Variants in BBS9 observed in about 807,000 individuals in gnomAD.
BBS9 encodes the protein protein PTHB1.
BBS9 carries 89 observed loss-of-function variants against 117.7 expected under a neutral mutation model. The ratio of observed to expected loss-of-function variants is 0.76; its 90% CI spans 0.64 to 0.90. BBS9 has a LOEUF of 0.90. Among genes scored for constraint, BBS9 ranks in the 40% least tolerant of loss-of-function variants. The probability of loss-of-function intolerance (pLI) is 0.00; values close to 1 mark genes in which losing one functional copy is unlikely to be tolerated. For missense variants in BBS9, 982 were observed against 1,042.2 expected (o/e 0.94, Z 0.80); for synonymous variants, 379 against 370.9 (o/e 1.02, Z -0.25).
intron 1 of BBS9, among the ~76,000 whole-genome samples, chr7:33,137,281 C>T (rs1197014509): frequency 1.3e-5 from 2 of 152,182 alleles, no homozygotes; most frequent in Non-Finnish European, 2.9e-5. Flanking sequence ...GGCCAGGGAG[C>T]GGGAGTGGGC....
intron 9 of BBS9, among the ~76,000 whole-genome samples, chr7:33,306,755 A>AT (rs1808092394): frequency 2.0e-5 from 3 of 152,086 alleles, no homozygotes; most frequent in Non-Finnish European, 4.4e-5. Context: ...TTATTACCAC[A>AT]TGTGTGTAGG....
At chr7:33,416,652 T>C (rs1271508077) in intron 19 of BBS9, among the ~76,000 whole-genome samples, 1 of 152,160 alleles carries the variant, frequency 6.6e-6, no homozygotes, top group African/African-American at 2.4e-5. Context: ...TGCCTGGCCA[T>C]TGAAGCCTCA....
At chr7:33,498,628 T>C (rs1845052051) in intron 19 of BBS9, among the ~76,000 whole-genome samples, 1 of 152,174 alleles carries the variant, frequency 6.6e-6, no homozygotes, top group East Asian at 1.9e-4. Context: ...TCCTTTGTCA[T>C]AGGCTTCTTT....
At chr7:33,327,385 A>G (rs1355727483) in intron 9 of BBS9, among the ~76,000 whole-genome samples, 2 of 152,138 alleles carry the variant, frequency 1.3e-5, no homozygotes, top group Non-Finnish European at 2.9e-5. Flanking sequence ...GGTTAATAGC[A>G]GTTATCAAGG....
At chr7:33,237,851 G>T (rs1171053794) in intron 5 of BBS9, among the ~76,000 whole-genome samples, 4 of 152,184 alleles carry the variant, frequency 2.6e-5, no homozygotes, top group Non-Finnish European at 4.4e-5. Context: ...TGACAATCAA[G>T]ATCAGTAGAA....
Position 33,226,578 on chromosome 7 carries a change from A to C in BBS9, c.443-30658A>C, listed in dbSNP as rs1367470596. On this transcript the variant is annotated intron_variant, in intron 5 of 22. Coordinates refer to ENST00000242067, the MANE Select transcript of BBS9 (RefSeq NM_198428.3). ...GAAGTAAAAGCAGGGATTAGGAAAGATATTTATACATCCTTGTTCATTGCA... is the reference window on the plus strand; with the variant it reads ...GAAGTAAAAGCAGGGATTAGGAAAGCTATTTATACATCCTTGTTCATTGCA... Among the ~76,000 whole-genome samples, 3 of 152,190 alleles carry C rather than the reference A, an allele frequency of 2.0e-5. 1 individual carries two copies. The highest frequency in any genetic ancestry group is 6.5e-5 in the Admixed American group (1 of 15,276).
At chr7:33,539,989 T>A (rs1852022422) in intron 21 of BBS9, among the ~76,000 whole-genome samples, 1 of 152,226 alleles carries the variant, frequency 6.6e-6, no homozygotes, top group African/African-American at 2.4e-5. Context: ...ATTTTAGAAG[T>A]GGTCAGTTTT....
At position 33,366,836 on chromosome 7, in the gene BBS9, G is replaced by A. The variant is rs145646285; in HGVS notation, c.1694-931G>A. On this transcript the variant is annotated intron_variant, in intron 16 of 22. Transcript: ENST00000242067. Reference sequence around the variant, plus strand: ...TGGGATTACAGTCATGAGCCACCACGCCTGGCCTAATATTTCTTTTCTCTG... The same window carrying A: ...TGGGATTACAGTCATGAGCCACCACACCTGGCCTAATATTTCTTTTCTCTG... 4.0e-3 allele frequency among the ~76,000 whole-genome samples: 610 copies of A among 152,114 alleles called. 3 individuals carry two copies. The highest frequency in any genetic ancestry group is 6.5e-3 in the Non-Finnish European group (441 of 67,972).
chr7:33,471,942 C>T (rs956443450), intron 19 of BBS9, among the ~76,000 whole-genome samples: 1 of 152,144 alleles, frequency 6.6e-6, no homozygotes, highest in Admixed American at 6.5e-5. Context: ...TTCTTCAGGC[C>T]AGATTGCCTC....
At chr7:33,297,669 T>G (rs1288655774) in intron 9 of BBS9, among the ~76,000 whole-genome samples, 1 of 152,088 alleles carries the variant, frequency 6.6e-6, no homozygotes, top group Non-Finnish European at 1.5e-5. Context: ...ACCAATGCAG[T>G]GGACTCCTGG....
chr7:33,598,906 C>G (rs1214697984), intron 21 of BBS9, among the ~76,000 whole-genome samples: 2 of 152,156 alleles, frequency 1.3e-5, no homozygotes, highest in East Asian at 1.9e-4. Context: ...ACTTATGGCC[C>G]ACAGGCCAAA....
At chr7:33,618,908 GA>G (rs1051048837) in intron 21 of BBS9, among the ~76,000 whole-genome samples, 2 of 151,936 alleles carry the variant, frequency 1.3e-5, no homozygotes, top group Admixed American at 1.3e-4. Flanking sequence ...TTACCACTAT[GA>G]AAAAAATTAT....
chr7:33,241,826 A>G (rs868413435), intron 5 of BBS9, among the ~76,000 whole-genome samples: 2 of 152,054 alleles, frequency 1.3e-5, no homozygotes, highest in South Asian at 4.1e-4. Flanking sequence ...AATCATTTTT[A>G]ATACCTGCTT....
intron 21 of BBS9, among the ~76,000 whole-genome samples, chr7:33,544,428 T>G (rs1242496319): frequency 6.6e-6 from 1 of 152,176 alleles, no homozygotes; most frequent in Admixed American, 6.5e-5. Flanking sequence ...GGATGTGGCT[T>G]TCTGTGTGCC....
At chr7:33,509,212 C>T (rs1031208570) in intron 20 of BBS9, among the ~76,000 whole-genome samples, 3 of 152,152 alleles carry the variant, frequency 2.0e-5, no homozygotes, top group Non-Finnish European at 4.4e-5. Flanking sequence ...GTATTCACTT[C>T]GGACTTATAC....
intron 19 of BBS9, among the ~76,000 whole-genome samples, chr7:33,427,486 A>G (rs954990612): frequency 6.6e-6 from 1 of 152,126 alleles, no homozygotes; most frequent in East Asian, 1.9e-4. Flanking sequence ...CTCAGTTCCT[A>G]TAGATTTCCT....
intron 19 of BBS9, among the ~76,000 whole-genome samples, chr7:33,494,545 A>G (rs1844460969): frequency 6.6e-6 from 1 of 152,192 alleles, no homozygotes; most frequent in South Asian, 2.1e-4. Context: ...CCCAATGAAT[A>G]ACATAGCCTG....
intron 5 of BBS9, among the ~76,000 whole-genome samples, chr7:33,232,375 T>C (rs1340024588): frequency 1.3e-5 from 2 of 152,136 alleles, no homozygotes; most frequent in African/African-American, 4.8e-5. Context: ...AAAGTTTAGA[T>C]ATAAATAGAA....
In BBS9 at chr7:33,605,414, G is replaced by A. The variant is rs1213613826; in HGVS notation, c.*188G>A. The A allele has an allele frequency of 4.6e-6, 3 of 648,090 alleles. No homozygotes were observed. The highest frequency in any genetic ancestry group is 5.5e-6 in the Non-Finnish European group (2 of 360,950). The allele number at this position is 648,090 out of a possible 1,614,324, so 40.1% of individuals were successfully genotyped here. A position where few individuals can be genotyped will look rare whatever the true frequency, so the allele number is the denominator to read the frequency against. ...CTAGGAGAACTTGTAACACCATGGG[G>A]AAGTCAGCTGAAACTTGTCTTGTTT... On this transcript the variant is annotated 3_prime_UTR_variant, in exon 23 of 23. Transcript: ENST00000242067.
Sources: gnomAD v4.1 joint callset for allele counts (sites outside exome capture counted in the v4.1 genomes callset) on GRCh38, gnomAD v4.1.1 for gene constraint, MANE v1.5 for transcripts, NCBI Gene and HGNC (gene_info 2026-07-23, HGNC 2026-07-21) for gene names.